The following ABCC2 variants were observed in gnomAD, a reference collection of about 807,000 sequenced individuals.
ABCC2 encodes ATP binding cassette subfamily C member 2, also known as ATP-binding cassette sub-family C member 2.
Under a neutral mutation model 173.4 loss-of-function variants are expected in ABCC2, and 157 were observed. That is an observed-to-expected ratio of 0.91 (90% CI 0.80 to 1.03). ABCC2 has a LOEUF of 1.03. Among genes scored for constraint, ABCC2 ranks in the 50% least tolerant of loss-of-function variants. The pLI, the probability that ABCC2 is intolerant of heterozygous loss-of-function variation, is 0.00. For missense variants in ABCC2, 1,822 were observed against 1,852.3 expected, an observed-to-expected ratio of 0.98 and a Z score of 0.30; for synonymous variants, 657 against 693.5, an observed-to-expected ratio of 0.95 and a Z score of 0.83.
chr10:99,810,079 C>T (rs996934722), intron 13 of ABCC2, 55 bp from the exon 14 acceptor site: 4 of 1,518,650 alleles, frequency 2.6e-6, no homozygotes, highest in Non-Finnish European at 3.7e-6. Context: ...CAAAATCTCT[C>T]TGCTTGTGCT....
intron 20 of ABCC2, 130 bp from the exon 21 acceptor site, chr10:99,830,586 G>A (rs532267436): frequency 6.4e-7 from 1 of 1,561,424 alleles, no homozygotes; most frequent in Non-Finnish European, 8.8e-7. Flanking sequence ...GGAAAGATCG[G>A]GGTTGTGTCA....
chr10:99,784,569 A>G (rs767420932), intron 1 of ABCC2, 39 bp from the exon 2 acceptor site: 2 of 1,611,102 alleles, frequency 1.2e-6, no homozygotes, highest in Admixed American at 1.7e-5. Flanking sequence ...CTGTCTTCAC[A>G]ATGCATGTAT....
chr10:99,794,284 G>A (rs554515820), intron 5 of ABCC2, 129 bp from the exon 6 acceptor site: 1 of 913,952 alleles, frequency 1.1e-6, no homozygotes, highest in Non-Finnish European at 1.7e-6. Context: ...ATGTTGATAA[G>A]CTGACTTTAA....
At chr10:99,799,446 A>G (rs1352410281) in intron 8 of ABCC2, 76 bp downstream of exon 8, 4 of 1,524,290 alleles carry the variant, frequency 2.6e-6, no homozygotes, top group Non-Finnish European at 3.6e-6. Context: ...GTATGCAAGC[A>G]GGAGCTTTTC....
intron 14 of ABCC2, 27 bp from the exon 15 acceptor site, chr10:99,811,509 G>A (rs1296752985): frequency 1.9e-6 from 3 of 1,613,268 alleles, no homozygotes; most frequent in Non-Finnish European, 2.5e-6. Context: ...ACCTACATTG[G>A]ACTAAAAGAG....
chr10:99,817,276 G>A (rs2133074318), intron 16 of ABCC2, 32 bp from the exon 17 acceptor site: 1 of 1,612,854 alleles, frequency 6.2e-7, no homozygotes, highest in South Asian at 1.1e-5. Context: ...TGGAGGTGCA[G>A]CTGTAACATG....
chr10:99,839,084 G>C (rs2038882964), intron 25 of ABCC2, among the ~76,000 whole-genome samples: 3 of 144,252 alleles, frequency 2.1e-5, no homozygotes, highest in Non-Finnish European at 4.6e-5. Context: ...CCGGGCAGGG[G>C]GGCAGACCCC....
In ABCC2 at chr10:99,830,313, A is replaced by C. The variant is rs761016258; in HGVS notation, c.2627A>C (p.Asp876Ala). The change falls in exon 20 of 32, where the codon GAT becomes GCT. Residue 876 changes from aspartate to alanine, a missense_variant. Coordinates refer to ENST00000647814, the MANE Select transcript of ABCC2 (RefSeq NM_000392.5). ...CTCTACTGTGTCTCCCTAGTCCATG[A>C]TGGCAGTGAAGAAGAAGACGATGAC... ...TGPEEEATVH[D>A]GSEEEDDDYG... is the part of the protein sequence containing the mutation. The C allele has an allele frequency of 6.2e-7, 1 of 1,614,162 alleles. No individual in the cohort carries two copies. The highest frequency in any genetic ancestry group is 2.2e-5 in the East Asian group (1 of 44,886).
chr10:99,814,163 G>GTGTA (rs1564683325), intron 16 of ABCC2, among the ~76,000 whole-genome samples: 1 of 35,056 alleles, frequency 2.9e-5, no homozygotes, highest in Non-Finnish European at 5.7e-5. Flanking sequence ...GTATACACAC[G>GTGTA]TATATATACA....
chr10:99,817,270 G>C, intron 16 of ABCC2, 38 bp from the exon 17 acceptor site: 1 of 1,610,072 alleles, frequency 6.2e-7, no homozygotes, highest in Non-Finnish European at 8.5e-7. Context: ...CGTTTCTGGA[G>C]GTGCAGCTGT....
rs1412181493 is a variant in ABCC2, at chr10:99,797,325, T to C, written c.861T>C (p.Leu287=). 2 of 1,611,614 alleles carry C rather than the reference T, an allele frequency of 1.2e-6. No individual in the cohort carries two copies. Among genetic ancestry groups the C allele is most frequent in the Non-Finnish European group, 1.7e-6 (2 of 1,178,972 alleles). ...ATCAGAGTCAAAGCCAAGATGCCCT[T>C]GTCCTGGTAACTTTCCCTTGAGTGT... ...NKNQSQSQDA[L]VLEDVEKKKK... Residue 287 remains leucine, a synonymous_variant, in exon 7 of 32, where the codon CTT becomes CTC. Coordinates refer to ENST00000647814, the MANE Select transcript of ABCC2 (RefSeq NM_000392.5).
In ABCC2 at chr10:99,834,441, T is replaced by C; in HGVS notation, c.3320T>C (p.Leu1107Pro). The C allele has an allele frequency of 6.2e-7, 1 of 1,614,198 alleles. No individual in the cohort carries two copies. The highest frequency in any genetic ancestry group is 8.5e-7 in the Non-Finnish European group (1 of 1,180,032). The change falls in exon 24 of 32, where the codon CTG (leucine) becomes CCG (proline). Residue 1107 changes from leucine to proline, a missense_variant. Leu to Pro is a moderately conservative substitution (Grantham distance 98). Transcript: ENST00000647814. ...TTGCGCAGCTGGATTACATGCTTCCTGGGGATAATCAGCACCCTTGTCATG... is the reference window on the plus strand; with the variant it reads ...TTGCGCAGCTGGATTACATGCTTCCCGGGGATAATCAGCACCCTTGTCATG... ...QSLRSWITCF[L>P]GIISTLVMIC...
intron 11 of ABCC2, among the ~76,000 whole-genome samples, 163 bp from the exon 12 acceptor site, chr10:99,807,221 G>C (rs903921333): frequency 1.3e-5 from 2 of 152,146 alleles, no homozygotes; most frequent in African/African-American, 4.8e-5. Flanking sequence ...GTACATAGTA[G>C]GTTGTCAACA....
At position 99,819,188 on chromosome 10, in the gene ABCC2, G is replaced by T; in HGVS notation, c.2539G>T (p.Ala847Ser). 1 of 1,614,126 alleles carries T rather than the reference G, an allele frequency of 6.2e-7. No individual in the cohort carries two copies. Among genetic ancestry groups the T allele is most frequent in the Non-Finnish European group, 8.5e-7 (1 of 1,179,994 alleles). Residue 847 changes from alanine to serine, a missense_variant, in exon 19 of 32, where the codon GCT (alanine) becomes TCT (serine). Coordinates refer to ENST00000647814, the MANE Select transcript of ABCC2 (RefSeq NM_000392.5). ...AATTGTAGAGAAAGGATCCTACAGT[G>T]CTCTCCTGGCCAAAAAAGGAGAGTT... is the stretch of plus-strand genomic sequence containing the variant. ...GTIVEKGSYS[A>S]LLAKKGEFAK...
chr10:99,810,737 G>A (rs1251417117), intron 14 of ABCC2, among the ~76,000 whole-genome samples: 1 of 152,164 alleles, frequency 6.6e-6, no homozygotes, highest in Non-Finnish European at 1.5e-5. Context: ...AATAAAAAAG[G>A]ACTTTAGCCG....
In ABCC2 at chr10:99,793,588, G is replaced by A. The variant is rs754539916; in HGVS notation, c.371G>A (p.Cys124Tyr). Residue 124 changes from cysteine to tyrosine, a missense_variant, in exon 4 of 32, where the codon TGT becomes TAT. Transcript: ENST00000647814. ...VLLIQYSRQW[C>Y]VQKNSWFLSL... ...CTGATCCAATACAGCAGACAATGGTGTGTACAGAAAAACTCCTGGTTCCTG... is the reference window on the plus strand; with the variant it reads ...CTGATCCAATACAGCAGACAATGGTATGTACAGAAAAACTCCTGGTTCCTG... The A allele has an allele frequency of 1.9e-6, 3 of 1,614,080 alleles. No individual in the cohort carries two copies. The highest frequency in any genetic ancestry group is 2.5e-6 in the Non-Finnish European group (3 of 1,179,998).
At chr10:99,794,833 G>A (rs1270033685) in intron 6 of ABCC2, among the ~76,000 whole-genome samples, 1 of 152,122 alleles carries the variant, frequency 6.6e-6, no homozygotes, top group Non-Finnish European at 1.5e-5. Context: ...GAGCTACAGC[G>A]CTCAGCCGAA....
chr10:99,825,750 C>T (rs989122665), intron 19 of ABCC2, among the ~76,000 whole-genome samples: 8 of 152,198 alleles, frequency 5.3e-5, no homozygotes, highest in African/African-American at 1.9e-4. Context: ...GGGCCATATA[C>T]CTCTGTGGGG....
rs572653703 is a variant in ABCC2, at chr10:99,813,244, G to C, written c.2094+100G>C. Reference sequence around the variant, plus strand: ...GAAGGCACTGAGGGCTAGTAGGTGAGGTCTTGGAGACATCCGATAGATTTG... The same window carrying C: ...GAAGGCACTGAGGGCTAGTAGGTGACGTCTTGGAGACATCCGATAGATTTG... On this transcript the variant is annotated intron_variant, in intron 16 of 31. Coordinates refer to ENST00000647814, the MANE Select transcript of ABCC2 (RefSeq NM_000392.5). The C allele has an allele frequency of 1.8e-4, 254 of 1,447,606 alleles. 2 individuals carry two copies. In the African/African-American group the frequency reaches 3.3e-3, roughly 19 times the overall value. 89.7% of individuals were successfully genotyped at this position (1,447,606 alleles called of 1,614,324 possible). A position where few individuals can be genotyped will look rare whatever the true frequency, so the allele number is the denominator to read the frequency against.
Sources: allele counts gnomAD v4.1 joint callset (sites outside exome capture counted in the v4.1 genomes callset), GRCh38; gene constraint gnomAD v4.1.1; transcripts MANE v1.5; gene names NCBI Gene and HGNC (gene_info 2026-07-23, HGNC 2026-07-21).